RSF1: variants seen among roughly 807,000 people sequenced by gnomAD.
RSF1 encodes HBV pX-associated protein 8.
RSF1 carries 13 observed loss-of-function variants against 145.2 expected under a neutral mutation model. The observed-to-expected ratio is 0.09, with a 90% confidence interval of 0.06 to 0.14. The LOEUF (loss-of-function observed/expected upper bound fraction) is 0.14, where lower values mean the gene tolerates loss of function less well. Ranked by LOEUF, RSF1 falls within the 10% of genes least tolerant of loss-of-function variation. The pLI, the probability that RSF1 is intolerant of heterozygous loss-of-function variation, is 1.00. For synonymous variants in RSF1, 577 were observed against 592.6 expected, an observed-to-expected ratio of 0.97 and a Z score of 0.38; for missense variants, 1,517 against 1,718.2, an observed-to-expected ratio of 0.88 and a Z score of 2.07.
chr11:77,865,083 G>A, the RSF1 span, among the ~76,000 whole-genome samples: 1 of 152,082 alleles, frequency 6.6e-6, no homozygotes, highest in Non-Finnish European at 1.5e-5. Flanking sequence ...CCTATAATAT[G>A]TCTCCCTTGT....
At chr11:77,855,484 T>A in the RSF1 span, 1 of 196,522 alleles carries the variant, frequency 5.1e-6, no homozygotes, top group Non-Finnish European at 1.0e-5. Context: ...CACACCCAGG[T>A]AACTTTTTCT....
chr11:77,797,493 C>T (rs573261284), intron 1 of RSF1, among the ~76,000 whole-genome samples: 29 of 152,238 alleles, frequency 1.9e-4, no homozygotes, highest in African/African-American at 4.8e-4. Flanking sequence ...CTTCCTTAAA[C>T]CTTACACAAA....
At chr11:77,864,603 C>G in the RSF1 span, among the ~76,000 whole-genome samples, 2 of 152,116 alleles carry the variant, frequency 1.3e-5, no homozygotes, top group African/African-American at 4.8e-5. Context: ...CTGGAAGCAG[C>G]AACTATGAAA....
At position 77,756,427 on chromosome 11, in the gene RSF1, T is replaced by A. The variant is rs1040379276; in HGVS notation, c.279+8171A>T. 3.3e-5 allele frequency among the ~76,000 whole-genome samples: 5 copies of A among 152,182 alleles called. No homozygotes were observed. In the South Asian group the frequency reaches 1.0e-3, roughly 32 times the overall value. On this transcript the variant is annotated intron_variant, in intron 2 of 15. Coordinates refer to ENST00000308488, the MANE Select transcript of RSF1 (RefSeq NM_016578.4). Reference sequence around the variant, plus strand: ...ATAATAACATTTTTTGCATATTTACTATGTGCCAAATACTATTTTAAGTAC... The same window carrying A: ...ATAATAACATTTTTTGCATATTTACAATGTGCCAAATACTATTTTAAGTAC...
At chr11:77,841,054 G>A in the RSF1 span, 15 of 583,134 alleles carry the variant, frequency 2.6e-5, no homozygotes, top group Middle Eastern at 4.4e-4. Flanking sequence ...CAGTTGGCTC[G>A]CATCTGGTGA....
At chr11:77,668,185 A>G (rs976100217) in intron 15 of RSF1, among the ~76,000 whole-genome samples, 1 of 152,012 alleles carries the variant, frequency 6.6e-6, no homozygotes, top group African/African-American at 2.4e-5. Flanking sequence ...CATTTTTAGT[A>G]GAGACGGGGT....
intron 2 of RSF1, among the ~76,000 whole-genome samples, chr11:77,760,606 T>C (rs1313415947): frequency 1.3e-5 from 2 of 152,170 alleles, no homozygotes; most frequent in South Asian, 2.1e-4. Context: ...ACAATGCATA[T>C]AAAAATTAAG....
At chr11:77,712,064 T>C (rs1441749537) in intron 5 of RSF1, among the ~76,000 whole-genome samples, 2 of 152,228 alleles carry the variant, frequency 1.3e-5, no homozygotes, top group African/African-American at 2.4e-5. Flanking sequence ...AGTTACGTTG[T>C]GCTTTGTATA....
intron 6 of RSF1, among the ~76,000 whole-genome samples, chr11:77,699,085 C>T (rs1960351249): frequency 6.6e-6 from 1 of 152,174 alleles, no homozygotes; most frequent in African/African-American, 2.4e-5. Flanking sequence ...TTTTTACACA[C>T]ATCTCTGTGG....
At chr11:77,783,589 C>A (rs777375551) in intron 1 of RSF1, among the ~76,000 whole-genome samples, 6 of 152,166 alleles carry the variant, frequency 3.9e-5, no homozygotes, top group Non-Finnish European at 7.3e-5. Context: ...CACCTGTAAT[C>A]CCAGCGCTTT....
chr11:77,872,031 A>G, the RSF1 span: 5 of 845,776 alleles, frequency 5.9e-6, no homozygotes, highest in East Asian at 3.2e-5. Context: ...CTCACTGCCA[A>G]ATTTTGGACT....
Position 77,781,969 on chromosome 11 carries a change from T to C in RSF1, c.188-17280A>G, listed in dbSNP as rs191332986. On this transcript the variant is annotated intron_variant, in intron 1 of 15. Transcript: ENST00000308488. ...AGATACTAATATAGTCATTAGTCTT[T>C]GCATTTTAGTTGGCTATAGTAATAT... Among the ~76,000 whole-genome samples the C allele has an allele frequency of 3.9e-5, 6 of 152,372 alleles. No individual in the cohort carries two copies. The East Asian group carries it at 1.2e-3, about 29-fold the overall frequency.
chr11:77,836,678 C>T, the RSF1 span, among the ~76,000 whole-genome samples: 3 of 152,196 alleles, frequency 2.0e-5, no homozygotes, highest in African/African-American at 7.2e-5. Context: ...TAAGAAGTTA[C>T]CCTGTGGCCG....
chr11:77,721,120 G>A (rs147169869), intron 5 of RSF1, among the ~76,000 whole-genome samples: 121 of 152,268 alleles, frequency 7.9e-4, no homozygotes, highest in Middle Eastern at 6.8e-3. Context: ...AAGAGTGGTT[G>A]TTATTCCCTC....
intron 4 of RSF1, chr11:77,734,914 A>G: frequency 6.3e-7 from 1 of 1,583,458 alleles, no homozygotes; most frequent in Non-Finnish European, 8.6e-7. Flanking sequence ...GCAGTAAGAC[A>G]TGGACAGGTA....
Position 77,675,243 on chromosome 11 carries a change from A to T in RSF1, c.3355T>A (p.Phe1119Ile), listed in dbSNP as rs1959670233. 1.2e-6 allele frequency: 2 copies of T among 1,612,280 alleles called. No homozygotes were observed. Among genetic ancestry groups the T allele is most frequent in the Non-Finnish European group, 1.7e-6 (2 of 1,179,584 alleles). ...TCTGGGTTTTCATCAGACACAACAA[A>T]CTCATCTTGAGATCTGTCCAAGAGA... ...FKISDGSQDE[F>I]VVSDENPDES... The change falls in exon 14 of 16, where the codon TTT becomes ATT. Residue 1119 changes from phenylalanine to isoleucine, a missense_variant. Phe to Ile is a conservative substitution (Grantham distance 21, BLOSUM62 0). Transcript: ENST00000308488.
rs1948440587 is a variant in RSF1, at chr11:77,785,010, A to T, written c.188-20321T>A. Among the ~76,000 whole-genome samples, 7 of 152,262 alleles carry T rather than the reference A, an allele frequency of 4.6e-5. No individual in the cohort carries two copies. The South Asian group carries it at 1.5e-3, about 32-fold the overall frequency. On this transcript the variant is annotated intron_variant, in intron 1 of 15. Transcript: ENST00000308488. ...ACTTCTAGCTGCCTAAGCCTCTTGA[A>T]ATCCAATCTTTGCCTCCTCAACTGA...
At chr11:77,816,359 C>G (rs1196676672) in intron 1 of RSF1, among the ~76,000 whole-genome samples, 7 of 152,198 alleles carry the variant, frequency 4.6e-5, no homozygotes, top group African/African-American at 1.7e-4. Flanking sequence ...TTGTTACACA[C>G]AGATCAGTTA....
rs769419586 is a variant in RSF1, at chr11:77,667,230, T to C, written c.4013A>G (p.Lys1338Arg). The C allele has an allele frequency of 2.5e-6, 4 of 1,614,132 alleles. No individual in the cohort carries two copies. The highest frequency in any genetic ancestry group is 3.3e-4 in the Middle Eastern group (2 of 6,084). The change falls in exon 16 of 16, where the codon AAG (lysine) becomes AGG (arginine). Residue 1338 changes from lysine to arginine, a missense_variant. Physicochemically the swap from Lys to Arg is conservative, Grantham distance 26. This residue lies in a region of RSF1 where 240 missense variants were observed against 231.8 expected (regional missense o/e 1.04). Coordinates refer to ENST00000308488, the MANE Select transcript of RSF1 (RefSeq NM_016578.4). ...RVLPSEQEST[K>R]KPYRIESDEE... ...ATCACTTTCTATCCGGTAGGGCTTC[T>C]TGGTGCTCTCTTGTTCTGAGGGCAG...
Sources: gnomAD v4.1 joint callset for allele counts (sites outside exome capture counted in the v4.1 genomes callset) on GRCh38, gnomAD v4.1.1 for gene constraint, gnomAD v4.1.1 regional missense constraint, MANE v1.5 for transcripts, NCBI Gene and HGNC (gene_info 2026-07-23, HGNC 2026-07-21) for gene names.